The following LPAR3 variants were observed in gnomAD, a reference collection of about 807,000 sequenced individuals.
LPAR3 encodes the protein lysophosphatidic acid receptor 3, also known as LPA receptor 3.
LPAR3 carries 7 observed loss-of-function variants against 17.8 expected under a neutral mutation model. That is an observed-to-expected ratio of 0.39 (90% CI 0.22 to 0.74). The LOEUF (loss-of-function observed/expected upper bound fraction) is 0.74, where lower values mean the gene tolerates loss of function less well. LPAR3 is among the 30% of genes least tolerant of loss of function. The probability of loss-of-function intolerance (pLI) is 0.40; values close to 1 mark genes in which losing one functional copy is unlikely to be tolerated. For missense variants in LPAR3, 391 were observed against 453.4 expected, an observed-to-expected ratio of 0.86 and a Z score of 1.25; for synonymous variants, 179 against 179.9, an observed-to-expected ratio of 0.99 and a Z score of 0.04.
chr1:84,826,163 CATATT>C (rs1251886960), intron 2 of LPAR3, among the ~76,000 whole-genome samples: 1 of 150,610 alleles, frequency 6.6e-6, no homozygotes, highest in South Asian at 2.1e-4. Flanking sequence ...ATAATATATA[CATATT>C]ATATGTATAT....
At position 84,812,151 on chromosome 1, in the gene LPAR3, A is replaced by T. The variant is rs937768196; in HGVS notation, c.*1695T>A. The T allele has an allele frequency of 6.6e-6, 1 of 152,196 alleles. No homozygotes were observed. Among genetic ancestry groups the T allele is most frequent in the African/African-American group, 2.4e-5 (1 of 41,446 alleles). The allele number at this position is 152,196 out of a possible 1,614,324, so 9.4% of individuals were successfully genotyped here. On this transcript the variant is annotated 3_prime_UTR_variant, in exon 3 of 3. Transcript: ENST00000370611. ...GGTATGGAGGTAACTGAAGATAAGG[A>T]CTGGGGTCAAGCTCATATTTCATTC...
At chr1:84,872,909 T>C (rs1326670296) in intron 1 of LPAR3, among the ~76,000 whole-genome samples, 1 of 152,212 alleles carries the variant, frequency 6.6e-6, no homozygotes, top group East Asian at 1.9e-4. Flanking sequence ...TATTACTTCA[T>C]GATGAAGATC....
intron 2 of LPAR3, among the ~76,000 whole-genome samples, chr1:84,864,708 G>A (rs1033687734): frequency 6.6e-6 from 1 of 151,610 alleles, no homozygotes; most frequent in Non-Finnish European, 1.5e-5. Flanking sequence ...GCTTGAACTC[G>A]GGAGGTGGAG....
At chr1:84,879,412 T>C (rs1660321504) in intron 1 of LPAR3, among the ~76,000 whole-genome samples, 1 of 148,998 alleles carries the variant, frequency 6.7e-6, no homozygotes, top group Non-Finnish European at 1.5e-5. Flanking sequence ...CCCAGGTTCA[T>C]GCCATTCTCC....
At chr1:84,866,956 C>G (rs367912200) in intron 1 of LPAR3, among the ~76,000 whole-genome samples, 2 of 152,134 alleles carry the variant, frequency 1.3e-5, no homozygotes, top group Admixed American at 6.5e-5. Context: ...GGAGGAGGAT[C>G]GGGCTTCCAC....
chr1:84,817,261 T>TCTCACACACACA (rs374303505), intron 2 of LPAR3, among the ~76,000 whole-genome samples: 4 of 147,530 alleles, frequency 2.7e-5, no homozygotes, highest in African/African-American at 7.6e-5. Flanking sequence ...CCAGGATCTA[T>TCTCACACACACA]CACACACACA....
At chr1:84,821,527 C>A (rs894232177) in intron 2 of LPAR3, among the ~76,000 whole-genome samples, 2 of 152,220 alleles carry the variant, frequency 1.3e-5, no homozygotes, top group African/African-American at 4.8e-5. Flanking sequence ...GCATCAAAAT[C>A]ATCTGGGCTG....
chr1:84,813,555 T>C lies in LPAR3; in HGVS notation c.*291A>G, dbSNP rs183871248. Reference sequence around the variant, plus strand: ...AAATACAAAGAGAATGGCTACGAAATGGTGCCAGAACCCAGAAGGCCCAGC... The same window carrying C: ...AAATACAAAGAGAATGGCTACGAAACGGTGCCAGAACCCAGAAGGCCCAGC... On this transcript the variant is annotated 3_prime_UTR_variant, in exon 3 of 3. Coordinates refer to ENST00000370611, the MANE Select transcript of LPAR3 (RefSeq NM_012152.3). The C allele has an allele frequency of 1.7e-3, 551 of 322,672 alleles. 2 individuals are homozygous for C. Among genetic ancestry groups the C allele is most frequent in the South Asian group, 0.015 (206 of 13,696 alleles). 20.0% of individuals were successfully genotyped at this position (322,672 alleles called of 1,614,324 possible).
At chr1:84,877,107 T>G (rs923570354) in intron 1 of LPAR3, among the ~76,000 whole-genome samples, 4 of 152,262 alleles carry the variant, frequency 2.6e-5, no homozygotes, top group African/African-American at 9.6e-5. Flanking sequence ...ATTTACATTT[T>G]AATTCTAAGG....
chr1:84,841,311 A>C (rs1557595875), intron 2 of LPAR3, among the ~76,000 whole-genome samples: 1 of 152,210 alleles, frequency 6.6e-6, no homozygotes, highest in Non-Finnish European at 1.5e-5. Context: ...CCCTTATGAC[A>C]ATTAAGGTTT....
intron 1 of LPAR3, among the ~76,000 whole-genome samples, chr1:84,889,596 C>G (rs1038870898): frequency 6.6e-6 from 1 of 152,180 alleles, no homozygotes; most frequent in Non-Finnish European, 1.5e-5. Flanking sequence ...ATTTAACTTC[C>G]TCTCATATTC....
intron 2 of LPAR3, among the ~76,000 whole-genome samples, chr1:84,858,076 G>A (rs1435565788): frequency 1.3e-5 from 2 of 152,112 alleles, no homozygotes; most frequent in African/African-American, 4.8e-5. Flanking sequence ...CCTGGAACAC[G>A]CTGACCTCAT....
rs138066005 is a variant in LPAR3 at position 84,826,966 on chromosome 1, G to A, written c.737-12795C>T. On this transcript the variant is annotated intron_variant, in intron 2 of 2. Transcript: ENST00000370611. ...CTACGGCAAGAAACACTATAAGATT[G>A]ATACAAGTTAAGAAACTCTAAAGTC... is the stretch of plus-strand genomic sequence containing the variant. 2.2e-4 allele frequency among the ~76,000 whole-genome samples: 33 copies of A among 152,296 alleles called. No individual in the cohort carries two copies. The East Asian group carries it at 6.4e-3, about 29-fold the overall frequency.
intron 2 of LPAR3, among the ~76,000 whole-genome samples, chr1:84,833,541 TG>T (rs1659333901): frequency 6.6e-6 from 1 of 152,168 alleles, no homozygotes; most frequent in Non-Finnish European, 1.5e-5. Context: ...AAAGGCCTCG[TG>T]GGGTCTGATA....
At chr1:84,851,529 G>T (rs1659712464) in intron 2 of LPAR3, among the ~76,000 whole-genome samples, 1 of 152,130 alleles carries the variant, frequency 6.6e-6, no homozygotes, top group South Asian at 2.1e-4. Flanking sequence ...TAATAGAGTG[G>T]GTTACTTTTA....
chr1:84,835,888 C>A (rs1425931243), intron 2 of LPAR3, among the ~76,000 whole-genome samples: 1 of 151,282 alleles, frequency 6.6e-6, no homozygotes, highest in East Asian at 2.0e-4. Flanking sequence ...CCATATACTA[C>A]ATACTTTCTA....
In LPAR3 at chr1:84,865,591, G is replaced by A; in HGVS notation, c.530C>T (p.Ser177Phe). The change falls in exon 2 of 3, where the codon TCT becomes TTT. Residue 177 changes from serine (S) to phenylalanine (F), a missense_variant. Transcript: ENST00000370611. ...CCTGCTGTAAATGGGGGCCAGGGAA[G>A]AGCAGGCAGAGATGTTGCAGAGGCA... Reference protein sequence around the residue: ...WNCLCNISACSSLAPIYSRSY... With the variant: ...WNCLCNISACFSLAPIYSRSY... 3 of 1,614,238 alleles carry A rather than the reference G, an allele frequency of 1.9e-6. No homozygotes were observed. The highest frequency in any genetic ancestry group is 2.5e-6 in the Non-Finnish European group (3 of 1,180,038).
intron 2 of LPAR3, among the ~76,000 whole-genome samples, chr1:84,819,396 T>G (rs926373977): frequency 1.3e-5 from 2 of 152,202 alleles, no homozygotes; most frequent in African/African-American, 4.8e-5. Flanking sequence ...ATGCATATTC[T>G]CTGGTCCCAC....
In LPAR3 at chr1:84,865,959, T is replaced by C; in HGVS notation, c.162A>G (p.Ala54=). The change falls in exon 2 of 3, where the codon GCA becomes GCG. Residue 54 remains alanine, a synonymous_variant. Transcript: ENST00000370611. ...IFFSNSLVIA[A]VIKNRKFHFP... The stretch of plus-strand genomic sequence containing the variant: ...AATGAAATTTTCTGTTTTTGATCAC[T>C]GCCGCGATGACCAGAGAATTAGAAA... The C allele has an allele frequency of 6.2e-7, 1 of 1,614,040 alleles. No homozygotes were observed. Among genetic ancestry groups the C allele is most frequent in the African/African-American group, 1.3e-5 (1 of 74,974 alleles).
Sources: gnomAD v4.1 joint callset for allele counts (sites outside exome capture counted in the v4.1 genomes callset) on GRCh38, gnomAD v4.1.1 for gene constraint, MANE v1.5 for transcripts, NCBI Gene and HGNC (gene_info 2026-07-23, HGNC 2026-07-21) for gene names.